KRT35: variants seen among roughly 807,000 people sequenced by gnomAD.
KRT35 encodes keratin 35.
A neutral mutation model predicts 42.2 loss-of-function variants in KRT35; 33 were observed. The ratio of observed to expected loss-of-function variants is 0.78; its 90% CI spans 0.59 to 1.05. The LOEUF (loss-of-function observed/expected upper bound fraction) is 1.05. Among genes scored for constraint, KRT35 ranks in the 50% least tolerant of loss-of-function variants. The probability of loss-of-function intolerance (pLI) is 0.00; values close to 1 mark genes in which losing one functional copy is unlikely to be tolerated. For missense variants in KRT35, 585 were observed against 589.2 expected, an observed-to-expected ratio of 0.99 and a Z score of 0.07; for synonymous variants, 218 against 238.2, an observed-to-expected ratio of 0.92 and a Z score of 0.78.
chr17:41,479,265 C>T (rs2019221894), intron 3 of KRT35, 82 bp downstream of exon 3: 2 of 1,330,688 alleles, frequency 1.5e-6, no homozygotes, highest in Admixed American at 2.4e-5. Context: ...CACCTCATCC[C>T]CAATGCTCAC....
intron 4 of KRT35, among the ~76,000 whole-genome samples, 173 bp downstream of exon 4, chr17:41,478,661 G>C (rs891724801): frequency 1.3e-5 from 2 of 148,576 alleles, no homozygotes; most frequent in Non-Finnish European, 2.9e-5. Context: ...GCCCAAGTGG[G>C]TCTGTTTTGA....
Position 41,480,530 on chromosome 17 carries a change from C to T in KRT35, c.471+97G>A, listed in dbSNP as rs2019236923. 8 of 920,714 alleles carry T rather than the reference C, an allele frequency of 8.7e-6. No homozygotes were observed. In the East Asian group the frequency reaches 1.7e-4, roughly 20 times the overall value. The allele number at this position is 920,714 out of a possible 1,614,324, so 57.0% of individuals were successfully genotyped here. On this transcript the variant is annotated intron_variant, in intron 1 of 6. Transcript: ENST00000246639. Reference sequence around the variant, plus strand: ...AAATGAGGCCACAGAGATGAACATGCTTGGTGACTTCCAACATGCCCTATG... The same window carrying T: ...AAATGAGGCCACAGAGATGAACATGTTTGGTGACTTCCAACATGCCCTATG...
rs758176569 is a variant in KRT35 at position 41,478,484 on chromosome 17, A to G, written c.876T>C (p.Ser292=). 1 of 1,613,534 alleles carries G rather than the reference A, an allele frequency of 6.2e-7. No homozygotes were observed. Among genetic ancestry groups the G allele is most frequent in the Admixed American group, 1.7e-5 (1 of 59,976 alleles). The part of the protein sequence containing the change: ...RDAEDWLDTQ[S]EELNQQVVSS... ...ACACCACCTGCTGGTTCAGCTCCTC[A>G]CTCTGAAACATACACACACAGAACC... The change falls in exon 5 of 7, where the codon AGT becomes AGC. Residue 292 remains serine, a splice_region_variant and synonymous_variant. Transcript: ENST00000246639.
chr17:41,478,697 G>T, intron 4 of KRT35, 137 bp downstream of exon 4: 1 of 1,082,390 alleles, frequency 9.2e-7, no homozygotes, highest in Non-Finnish European at 1.3e-6. Context: ...CAATTGAAGT[G>T]GGTCTGTTTT....
chr17:41,479,550 T>C, intron 2 of KRT35, 47 bp from the exon 3 acceptor site: 1 of 1,599,908 alleles, frequency 6.3e-7, no homozygotes, highest in Non-Finnish European at 8.5e-7. Flanking sequence ...CCTTTTTGCA[T>C]CTAAGTCAGG....
Position 41,480,727 on chromosome 17 carries a change from C to T in KRT35, c.371G>A (p.Ser124Asn), listed in dbSNP as rs1279854039. 1.9e-6 allele frequency: 3 copies of T among 1,614,230 alleles called. No homozygotes were observed. The highest frequency in any genetic ancestry group is 2.5e-6 in the Non-Finnish European group (3 of 1,180,038). The change falls in exon 1 of 7, where the codon AGC (serine) becomes AAC (asparagine). Residue 124 changes from serine to asparagine, a missense_variant. Physicochemically the swap from Ser to Asn is conservative, Grantham distance 46. Coordinates refer to ENST00000246639, the MANE Select transcript of KRT35 (RefSeq NM_002280.6). ...CCACTCACGGATGCGGCTCTCCAGG[C>T]TGGCGTTCTCCTGCTCCAGCTGACG... ...KVRQLEQENA[S>N]LESRIREWCE... is the part of the protein sequence containing the mutation.
At position 41,477,331 on chromosome 17, in the gene KRT35, A is replaced by T. The variant is rs889358292; in HGVS notation, c.1221-128T>A. ...CTTGATCCTGCCCCCTTGTTTTACCAAAAGGGAAACAGGCCCTGAGAGGAA... is the reference window on the plus strand; with the variant it reads ...CTTGATCCTGCCCCCTTGTTTTACCTAAAGGGAAACAGGCCCTGAGAGGAA... On this transcript the variant is annotated intron_variant, in intron 6 of 6. Coordinates refer to ENST00000246639, the MANE Select transcript of KRT35 (RefSeq NM_002280.6). 10 of 1,347,994 alleles carry T rather than the reference A, an allele frequency of 7.4e-6. 1 individual carries two copies. In the Middle Eastern group the frequency reaches 7.5e-4, roughly 102 times the overall value. The allele number at this position is 1,347,994 out of a possible 1,614,324, so 83.5% of individuals were successfully genotyped here. A position where few individuals can be genotyped will look rare whatever the true frequency, so the allele number is the denominator to read the frequency against.
Position 41,476,948 on chromosome 17 carries a change from C to T in KRT35, c.*108G>A. ...AAAGCCTTTTCAGCCAGACCCTGGG[C>T]CTGGGCTCTGCGCGAAGAGAGGGGA... On this transcript the variant is annotated 3_prime_UTR_variant, in exon 7 of 7. Coordinates refer to ENST00000246639, the MANE Select transcript of KRT35 (RefSeq NM_002280.6). 8.8e-7 allele frequency: 1 copy of T among 1,133,924 alleles called. No homozygotes were observed. Among genetic ancestry groups the T allele is most frequent in the Non-Finnish European group, 1.2e-6 (1 of 805,636 alleles). 70.2% of individuals were successfully genotyped at this position (1,133,924 alleles called of 1,614,324 possible). A position where few individuals can be genotyped will look rare whatever the true frequency, so the allele number is the denominator to read the frequency against.
intron 6 of KRT35, 130 bp downstream of exon 6, chr17:41,477,388 T>A: frequency 7.2e-7 from 1 of 1,394,088 alleles, no homozygotes; most frequent in Admixed American, 2.3e-5. Flanking sequence ...TGATGAGTTT[T>A]CAGGAAGACC....
intron 3 of KRT35, 98 bp downstream of exon 3, chr17:41,479,248 CT>C: frequency 7.6e-7 from 1 of 1,307,810 alleles, no homozygotes; most frequent in Non-Finnish European, 1.0e-6. Context: ...TCACCTCCCC[CT>C]ATGCTCACCT....
At chr17:41,477,323 G>T (rs1052030753) in intron 6 of KRT35, 120 bp from the exon 7 acceptor site, 2 of 1,359,470 alleles carry the variant, frequency 1.5e-6, no homozygotes, top group East Asian at 2.4e-5. Context: ...CTGCCCCCTT[G>T]TTTTACCAAA....
At position 41,477,720 on chromosome 17, in the gene KRT35, T is replaced by A. The variant is rs1597748658; in HGVS notation, c.1018A>T (p.Thr340Ser). ...TAGCGGGCCTCCGTCTCTGCCAGGG[T>A]GGATTCCAAAGCATCTCTCTGTGAG... ...QHSMRDALES[T>S]LAETEARYSS... is the part of the protein sequence containing the mutation. Residue 340 changes from threonine (T) to serine (S), a missense_variant, in exon 6 of 7, where the codon ACC becomes TCC. Transcript: ENST00000246639. 1 of 1,613,934 alleles carries A rather than the reference T, an allele frequency of 6.2e-7. No individual in the cohort carries two copies. Among genetic ancestry groups the A allele is most frequent in the African/African-American group, 1.3e-5 (1 of 75,028 alleles).
intron 5 of KRT35, among the ~76,000 whole-genome samples, chr17:41,477,991 G>T (rs1256059796): frequency 1.3e-5 from 2 of 152,226 alleles, no homozygotes; most frequent in Admixed American, 1.3e-4. Context: ...GTTTGAGCTA[G>T]GATGAACCAC....
chr17:41,479,067 A>G, intron 3 of KRT35, 72 bp from the exon 4 acceptor site: 2 of 1,458,446 alleles, frequency 1.4e-6, no homozygotes, highest in Non-Finnish European at 9.4e-7. Flanking sequence ...CCTCATGTTC[A>G]CCTCCTCCCC....
rs752873489 is a variant in KRT35 at position 41,480,979 on chromosome 17, G to A, written c.119C>T (p.Pro40Leu). 12 of 1,614,012 alleles carry A rather than the reference G, an allele frequency of 7.4e-6. No individual in the cohort carries two copies. Among genetic ancestry groups the A allele is most frequent in the East Asian group, 2.2e-5 (1 of 44,904 alleles). ...ACTTCTGGCCACAGGGGAGAGACTT[G>A]GAAGCTTGCAAGAGCTGCTGGAGTA... ...AMYSSSSCKL[P>L]SLSPVARSFS... The change falls in exon 1 of 7, where the codon CCA becomes CTA. Residue 40 changes from proline to leucine, a missense_variant. Pro to Leu is a moderately conservative substitution (Grantham distance 98, BLOSUM62 -3). Transcript: ENST00000246639.
Position 41,477,557 on chromosome 17 carries a change from A to C in KRT35, c.1181T>G (p.Ile394Ser). ...CTCCAGCAGGCCCCGGTACGTGTTG[A>C]TCTCACACTCCAGCCGGGCCCGGAC... ...LDVRARLECEINTYRGLLESE... is the reference protein window; with the variant it reads ...LDVRARLECESNTYRGLLESE... The change falls in exon 6 of 7, where the codon ATC (isoleucine) becomes AGC (serine). Residue 394 changes from isoleucine to serine, a missense_variant. Coordinates refer to ENST00000246639, the MANE Select transcript of KRT35 (RefSeq NM_002280.6). 6.2e-7 allele frequency: 1 copy of C among 1,613,856 alleles called. No individual in the cohort carries two copies.
intron 6 of KRT35, 83 bp downstream of exon 6, chr17:41,477,435 A>G: frequency 6.4e-7 from 1 of 1,561,722 alleles, no homozygotes; most frequent in Non-Finnish European, 8.7e-7. Flanking sequence ...TCCGAATGCC[A>G]GGCTCTTTCT....
intron 1 of KRT35, 70 bp downstream of exon 1, chr17:41,480,557 G>T (rs931421598): frequency 1.8e-5 from 23 of 1,244,872 alleles, no homozygotes; most frequent in Non-Finnish European, 2.3e-5. Context: ...TGCCCTATGG[G>T]AACAGAACTA....
chr17:41,479,440 G>T lies in KRT35; in HGVS notation c.618C>A (p.Ile206=), dbSNP rs200100070. The change falls in exon 3 of 7, where the codon ATC becomes ATA. Residue 206 remains isoleucine, a synonymous_variant. Transcript: ENST00000246639. ...ACTTGCACAGGGTCAGGTCATCCAG[G>T]ATCCTGCGCAGGCCGTTGATGTCTG... The part of the protein sequence containing the change: ...VESDINGLRR[I]LDDLTLCKSD... The T allele has an allele frequency of 6.2e-7, 1 of 1,614,032 alleles. No homozygotes were observed. The highest frequency in any genetic ancestry group is 1.7e-5 in the Admixed American group (1 of 59,998).
Sources: gnomAD v4.1 joint callset for allele counts (sites outside exome capture counted in the v4.1 genomes callset) on GRCh38, gnomAD v4.1.1 for gene constraint, MANE v1.5 for transcripts, NCBI Gene and HGNC (gene_info 2026-07-23, HGNC 2026-07-21) for gene names.